UCK1: variants seen among roughly 807,000 people sequenced by gnomAD.
The protein encoded by UCK1 is uridine-cytidine kinase 1, also known as cytidine monophosphokinase 1.
A neutral mutation model predicts 34.0 loss-of-function variants in UCK1; 20 were observed. The ratio of observed to expected loss-of-function variants is 0.59; its 90% CI spans 0.41 to 0.86. The LOEUF (loss-of-function observed/expected upper bound fraction) is 0.86. Ranked by LOEUF, UCK1 falls within the 40% of genes least tolerant of loss-of-function variation. UCK1 has a pLI of 0.00. For missense variants in UCK1, 343 were observed against 383.6 expected (o/e 0.89, Z 0.88); for synonymous variants, 168 against 155.9 (o/e 1.08, Z -0.58).
In UCK1 at chr9:131,524,809, A is replaced by G; in HGVS notation, c.*231T>C. On this transcript the variant is annotated 3_prime_UTR_variant, in exon 7 of 7. Coordinates refer to ENST00000372215, the MANE Select transcript of UCK1 (RefSeq NM_031432.5). ...TTCTCAGTGACCTAGAGGGATCTTT[A>G]AACCGCAACGAGCCTAAGTGGCTGA... is the stretch of plus-strand genomic sequence containing the variant. 1 of 524,056 alleles carries G rather than the reference A, an allele frequency of 1.9e-6. No individual in the cohort carries two copies. The highest frequency in any genetic ancestry group is 3.4e-6 in the Non-Finnish European group (1 of 298,342). 32.5% of individuals were successfully genotyped at this position (524,056 alleles called of 1,614,324 possible).
chr9:131,526,533 A>G, intron 5 of UCK1: 1 of 1,289,238 alleles, frequency 7.8e-7, no homozygotes, highest in Non-Finnish European at 1.0e-6. Flanking sequence ...ATGGAGATAT[A>G]TCAGGAAATG....
chr9:131,525,889 G>A (rs1950586042), intron 6 of UCK1, 40 bp downstream of exon 6: 1 of 1,607,620 alleles, frequency 6.2e-7, no homozygotes, highest in Non-Finnish European at 8.5e-7. Context: ...CTCAAGCTCT[G>A]GGAGGGGCGG....
At chr9:131,530,960 C>T (rs1046285566) in intron 1 of UCK1, 107 bp downstream of exon 1, 97 of 1,078,736 alleles carry the variant, frequency 9.0e-5, no homozygotes, top group Non-Finnish European at 1.1e-4. Context: ...CGCGCCCTGC[C>T]CCTGCCTGGC....
At chr9:131,530,885 GCGCCCCAACCCCTCGCC>G (rs1271997107) in intron 1 of UCK1, among the ~76,000 whole-genome samples, 165 bp downstream of exon 1, 2 of 152,090 alleles carry the variant, frequency 1.3e-5, no homozygotes, top group African/African-American at 4.8e-5. Context: ...CCGAGGCCCA[GCGCCCCAACCCCTCGCC>G]CGCCCCAGCC....
intron 5 of UCK1, chr9:131,528,654 G>T: frequency 2.0e-6 from 1 of 489,340 alleles, no homozygotes; most frequent in Non-Finnish European, 3.7e-6. Flanking sequence ...GGGTGCAGAG[G>T]GTTTTCAGTG....
Position 131,524,008 on chromosome 9 carries a change from C to A in UCK1, c.*1032G>T, listed in dbSNP as rs111722104. The A allele has an allele frequency of 0.015, 2,334 of 152,478 alleles. 58 individuals are homozygous for A. The highest frequency in any genetic ancestry group is 0.048 in the African/African-American group (1,979 of 41,566). 9.4% of individuals were successfully genotyped at this position (152,478 alleles called of 1,614,324 possible). A position where few individuals can be genotyped will look rare whatever the true frequency, so the allele number is the denominator to read the frequency against. ...GGATGCTTTCCAGAGACAGCCACCA[C>A]GCAGGAGGGAGGATCACCCCAGGCA... On this transcript the variant is annotated 3_prime_UTR_variant, in exon 7 of 7. Transcript: ENST00000372215.
chr9:131,525,338 T>C, intron 6 of UCK1, 117 bp from the exon 7 acceptor site: 1 of 1,283,826 alleles, frequency 7.8e-7, no homozygotes, highest in Non-Finnish European at 1.1e-6. Flanking sequence ...AGGCACAGCC[T>C]GCGGCGAGGG....
At chr9:131,530,808 C>A in intron 1 of UCK1, 163 bp from the exon 2 acceptor site, 1 of 1,310,870 alleles carries the variant, frequency 7.6e-7, no homozygotes, top group Non-Finnish European at 1.1e-6. Context: ...GCCGCGGGGG[C>A]CCAACGGGGT....
At chr9:131,528,650 A>C in intron 5 of UCK1, 2 of 473,802 alleles carry the variant, frequency 4.2e-6, no homozygotes, top group Non-Finnish European at 7.7e-6. Flanking sequence ...CGCTGGGTGC[A>C]GAGGGTTTTC....
chr9:131,526,110 G>A (rs769247637), intron 5 of UCK1, 133 bp from the exon 6 acceptor site: 9 of 986,634 alleles, frequency 9.1e-6, no homozygotes, highest in Non-Finnish European at 1.4e-5. Context: ...ATCGGCAAAT[G>A]GGGGACACAG....
rs753774652 is a variant in UCK1 at position 131,529,121 on chromosome 9, G to A, written c.508+7C>T. On this transcript the variant is annotated splice_region_variant and intron_variant, in intron 4 of 6. Transcript: ENST00000372215. The stretch of plus-strand genomic sequence containing the variant: ...CAGGCAGGCACGGAGGCCCGCGGCC[G>A]CCTTACCTCTTCGAGACAGCCTGAC... 6.2e-5 allele frequency: 100 copies of A among 1,613,504 alleles called. No individual in the cohort carries two copies. The highest frequency in any genetic ancestry group is 7.6e-5 in the Non-Finnish European group (90 of 1,179,852).
chr9:131,529,639 C>CAGAG, intron 2 of UCK1, 55 bp from the exon 3 acceptor site: 8 of 1,550,986 alleles, frequency 5.2e-6, no homozygotes, highest in South Asian at 1.1e-5. Context: ...CAGCGGACAG[C>CAGAG]AGGGAACCCT....
In UCK1 at chr9:131,529,178, T is replaced by C. The variant is rs1321666167; in HGVS notation, c.458A>G (p.His153Arg). 1.2e-6 allele frequency: 2 copies of C among 1,614,006 alleles called. No individual in the cohort carries two copies. The highest frequency in any genetic ancestry group is 2.2e-5 in the South Asian group (2 of 91,076). ...FYSQEIRDMF[H>R]LRLFVDTDSD... is the part of the protein sequence containing the mutation. ...GTCGGTGTCCACGAAGAGGCGCAGGTGGAACATGTCCCGGATCTCCTGGCT... is the reference window on the plus strand; with the variant it reads ...GTCGGTGTCCACGAAGAGGCGCAGGCGGAACATGTCCCGGATCTCCTGGCT... Residue 153 changes from histidine to arginine, a missense_variant, in exon 4 of 7, where the codon CAC becomes CGC. Coordinates refer to ENST00000372215, the MANE Select transcript of UCK1 (RefSeq NM_031432.5).
Position 131,531,199 on chromosome 9 carries a change from G to A in UCK1, c.-25C>T, listed in dbSNP as rs536637482. On this transcript the variant is annotated 5_prime_UTR_variant, in exon 1 of 7. Transcript: ENST00000372215. ...TCTCGGCCTCCGCTCCCGCGCATCG[G>A]GTCCCCGCGCCCGCCCCTTCCCCAG... 1.1e-4 allele frequency: 152 copies of A among 1,378,696 alleles called. No homozygotes were observed. In the African/African-American group the frequency reaches 1.9e-3, roughly 17 times the overall value. The allele number at this position is 1,378,696 out of a possible 1,614,324, so 85.4% of individuals were successfully genotyped here. A position where few individuals can be genotyped will look rare whatever the true frequency, so the allele number is the denominator to read the frequency against.
Position 131,529,260 on chromosome 9 carries a change from T to C in UCK1, c.376A>G (p.Thr126Ala). 6.2e-7 allele frequency: 1 copy of C among 1,614,032 alleles called. No individual in the cohort carries two copies. ...DFVTHSRLPE[T>A]TVVYPADVVL... is the part of the protein sequence containing the mutation. ...ACGTCCGCAGGGTAGACCACCGTGG[T>C]CTCTGGTAACCTGAGGGGCGCACGG... Residue 126 changes from threonine to alanine, a missense_variant, in exon 4 of 7, where the codon ACC (threonine) becomes GCC (alanine). Transcript: ENST00000372215.
Position 131,525,637 on chromosome 9 carries a change from C to A in UCK1, c.652+292G>T, listed in dbSNP as rs185426540. Among the ~76,000 whole-genome samples the A allele has an allele frequency of 6.0e-4, 91 of 152,266 alleles. 1 individual carries two copies. The highest frequency in any genetic ancestry group is 2.1e-3 in the African/African-American group (87 of 41,546). On this transcript the variant is annotated intron_variant, in intron 6 of 6. Coordinates refer to ENST00000372215, the MANE Select transcript of UCK1 (RefSeq NM_031432.5). ...GGGACCAGAGGCACATGCCACCATG[C>A]CCAAATAATTTTATTTTTTGTAGAG...
intron 5 of UCK1, 138 bp downstream of exon 5, chr9:131,528,806 G>T: frequency 9.9e-7 from 1 of 1,005,034 alleles, no homozygotes; most frequent in Non-Finnish European, 1.5e-6. Context: ...CCCAGGGTAT[G>T]TGGCCATAAT....
Position 131,530,523 on chromosome 9 carries a change from G to A in UCK1, c.231C>T (p.Ala77=). ...FYKVLTAEQK[A]KALKGQYNFD... is the part of the protein sequence containing the mutation. ...AATTGTACTGTCCTTTCAAGGCCTT[G>A]GCCTTCTGCTCTGCCGTCAGGACCT... The change falls in exon 2 of 7, where the codon GCC becomes GCT. Residue 77 remains alanine (A), a synonymous_variant. Transcript: ENST00000372215. 1 of 1,614,246 alleles carries A rather than the reference G, an allele frequency of 6.2e-7. No homozygotes were observed. The highest frequency in any genetic ancestry group is 8.5e-7 in the Non-Finnish European group (1 of 1,180,034).
Position 131,529,204 on chromosome 9 carries a change from G to A in UCK1, c.432C>T (p.Tyr144=), listed in dbSNP as rs774484268. 1 of 1,614,188 alleles carries A rather than the reference G, an allele frequency of 6.2e-7. No individual in the cohort carries two copies. Among genetic ancestry groups the A allele is most frequent in the Non-Finnish European group, 8.5e-7 (1 of 1,180,046 alleles). ...VVLFEGILVF[Y]SQEIRDMFHL... ...GGAACATGTCCCGGATCTCCTGGCTGTAGAACACCAAGATGCCCTCAAACA... is the reference window on the plus strand; with the variant it reads ...GGAACATGTCCCGGATCTCCTGGCTATAGAACACCAAGATGCCCTCAAACA... The change falls in exon 4 of 7, where the codon TAC becomes TAT. Residue 144 remains tyrosine (Y), a synonymous_variant. Transcript: ENST00000372215.
Sources: allele counts gnomAD v4.1 joint callset (sites outside exome capture counted in the v4.1 genomes callset), GRCh38; gene constraint gnomAD v4.1.1; transcripts MANE v1.5; gene names NCBI Gene and HGNC (gene_info 2026-07-23, HGNC 2026-07-21).